Variants in MAST2 observed in about 807,000 individuals in gnomAD.
MAST2 encodes microtubule-associated serine/threonine-protein kinase 2.
MAST2 carries 70 observed loss-of-function variants against 147.4 expected under a neutral mutation model. The observed-to-expected ratio is 0.47, with a 90% CI of 0.39 to 0.58. The LOEUF (loss-of-function observed/expected upper bound fraction) is 0.58. MAST2 is among the 20% of genes least tolerant of loss of function. The probability of loss-of-function intolerance (pLI) is 0.00; values close to 1 mark genes in which losing one functional copy is unlikely to be tolerated. For synonymous variants in MAST2, 869 were observed against 896.8 expected (o/e 0.97, Z 0.55); for missense variants, 2,080 against 2,302.3 (o/e 0.90, Z 1.98).
At chr1:45,834,283 T>C (rs1301992762) in intron 3 of MAST2, among the ~76,000 whole-genome samples, 2 of 152,288 alleles carry the variant, frequency 1.3e-5, no homozygotes, top group South Asian at 2.1e-4. Context: ...ATACTAGTTA[T>C]AATTATTGGA....
intron 3 of MAST2, among the ~76,000 whole-genome samples, chr1:45,859,115 A>G (rs560611135): frequency 1.8e-4 from 28 of 152,118 alleles, no homozygotes; most frequent in Non-Finnish European, 3.7e-4. Context: ...TTCCATATGA[A>G]CTTTAAGGTA....
At chr1:45,975,230 A>G (rs1440018228) in intron 5 of MAST2, among the ~76,000 whole-genome samples, 1 of 152,170 alleles carries the variant, frequency 6.6e-6, no homozygotes, top group Non-Finnish European at 1.5e-5. Flanking sequence ...TGGGAGTACA[A>G]AAGTAAAGAT....
At chr1:45,985,433 C>A (rs980867490) in intron 5 of MAST2, among the ~76,000 whole-genome samples, 27 of 152,194 alleles carry the variant, frequency 1.8e-4, no homozygotes, top group African/African-American at 6.3e-4. Flanking sequence ...CAGCCATCAT[C>A]ACGATCAAAA....
At chr1:45,846,089 T>C (rs1173026787) in intron 3 of MAST2, among the ~76,000 whole-genome samples, 1 of 150,618 alleles carries the variant, frequency 6.6e-6, no homozygotes, top group Non-Finnish European at 1.5e-5. Flanking sequence ...GATAAATTAA[T>C]TGTGGGAGAT....
Position 45,959,465 on chromosome 1 carries a change from C to G in MAST2, c.580C>G (p.His194Asp). Residue 194 changes from histidine to aspartate, a missense_variant, in exon 5 of 29, where the codon CAT becomes GAT. This residue lies in a region of MAST2 where 569 missense variants were observed against 642.5 expected (regional missense o/e 0.89). Transcript: ENST00000361297. Reference protein sequence around the residue: ...PTLPRPHSPLHGHTGNSPLDS... With the variant: ...PTLPRPHSPLDGHTGNSPLDS... ...ACTACCACGGCCACACTCACCACTC[C>G]ATGGCCACACAGGTGAGTGCTTGAA... The G allele has an allele frequency of 6.2e-7, 1 of 1,613,498 alleles. No homozygotes were observed. The highest frequency in any genetic ancestry group is 1.3e-5 in the African/African-American group (1 of 75,018).
chr1:45,857,418 G>C (rs1232810186), intron 3 of MAST2, among the ~76,000 whole-genome samples: 1 of 152,130 alleles, frequency 6.6e-6, no homozygotes, highest in African/African-American at 2.4e-5. Context: ...TTTCTATTTG[G>C]AAGGAATTTT....
chr1:45,897,488 A>T (rs1190042960), intron 4 of MAST2, among the ~76,000 whole-genome samples: 2 of 152,186 alleles, frequency 1.3e-5, no homozygotes, highest in East Asian at 1.9e-4. Context: ...GAAAAAATAA[A>T]TTTTTTAAAG....
At chr1:46,032,573 G>A in intron 25 of MAST2, 23 bp from the exon 26 acceptor site, 1 of 1,612,874 alleles carries the variant, frequency 6.2e-7, no homozygotes, top group South Asian at 1.1e-5. Context: ...TCCAGTCTGA[G>A]TACTGTTCTC....
intron 4 of MAST2, among the ~76,000 whole-genome samples, chr1:45,950,383 A>C (rs1316363306): frequency 6.6e-6 from 1 of 152,146 alleles, no homozygotes; most frequent in African/African-American, 2.4e-5. Flanking sequence ...CCCTCAAAAG[A>C]CTTCACCCTC....
intron 5 of MAST2, among the ~76,000 whole-genome samples, chr1:45,980,470 G>A (rs889461480): frequency 2.6e-5 from 4 of 151,138 alleles, no homozygotes; most frequent in Non-Finnish European, 4.4e-5. Context: ...AATAAAAGTT[G>A]AAATTATTTT....
intron 5 of MAST2, among the ~76,000 whole-genome samples, chr1:45,995,426 C>A (rs1374212164): frequency 6.9e-6 from 1 of 145,518 alleles, no homozygotes; most frequent in African/African-American, 2.5e-5. Context: ...ACTGCAACGT[C>A]CCATCTAAAC....
chr1:46,030,249 G>C lies in MAST2; in HGVS notation c.2553+11G>C, dbSNP rs747318229. ...CCAAGGTTCAACAAGGTGTGACTGA[G>C]GAGGCCCAGAATGGGCAGAACAGGC... On this transcript the variant is annotated intron_variant, in intron 21 of 28. Coordinates refer to ENST00000361297, the MANE Select transcript of MAST2 (RefSeq NM_015112.3). 6.2e-7 allele frequency: 1 copy of C among 1,612,936 alleles called. No homozygotes were observed. Among genetic ancestry groups the C allele is most frequent in the South Asian group, 1.1e-5 (1 of 90,902 alleles).
chr1:46,036,090 T>C lies in MAST2; in HGVS notation c.*24T>C, dbSNP rs1646895859. 12 of 1,573,360 alleles carry C rather than the reference T, an allele frequency of 7.6e-6. No homozygotes were observed. In the South Asian group the frequency reaches 1.4e-4, roughly 19 times the overall value. On this transcript the variant is annotated 3_prime_UTR_variant, in exon 29 of 29. Transcript: ENST00000361297. ...AGCAGTTGTTTGCCATTTCTTGCAC[T>C]CAGACCTGTGTAATATATGCTCCTG...
intron 4 of MAST2, among the ~76,000 whole-genome samples, chr1:45,894,322 TTAAGA>T (rs1431833201): frequency 6.6e-6 from 1 of 152,190 alleles, no homozygotes; most frequent in Non-Finnish European, 1.5e-5. Context: ...GTGGAAACAC[TTAAGA>T]TAGGATTGTT....
intron 5 of MAST2, among the ~76,000 whole-genome samples, chr1:45,963,543 C>G (rs1444931302): frequency 1.3e-5 from 2 of 152,164 alleles, no homozygotes; most frequent in African/African-American, 2.4e-5. Flanking sequence ...TGGGAGTTCA[C>G]TCATGATTTG....
intron 4 of MAST2, among the ~76,000 whole-genome samples, chr1:45,929,484 G>A (rs894421209): frequency 1.3e-5 from 2 of 152,154 alleles, no homozygotes; most frequent in African/African-American, 2.4e-5. Flanking sequence ...TCTGGCCCAC[G>A]TAGAAAGAGG....
intron 3 of MAST2, among the ~76,000 whole-genome samples, chr1:45,830,356 G>A (rs1644918920): frequency 6.6e-6 from 1 of 151,530 alleles, no homozygotes; most frequent in Non-Finnish European, 1.5e-5. Context: ...TGTGTTTTTA[G>A]TAGAGATGGG....
intron 4 of MAST2, among the ~76,000 whole-genome samples, chr1:45,919,791 G>GTT (rs35824370): frequency 2.2e-4 from 31 of 140,644 alleles, no homozygotes; most frequent in Admixed American, 1.1e-3. Flanking sequence ...TAAATTTCAT[G>GTT]TTTTTTTTTT....
At chr1:45,832,344 A>G (rs1433452448) in intron 3 of MAST2, among the ~76,000 whole-genome samples, 1 of 148,118 alleles carries the variant, frequency 6.8e-6, no homozygotes, top group Non-Finnish European at 1.5e-5. Context: ...TCTGTTGTCC[A>G]GTCTGGAGTG....
Sources: allele counts gnomAD v4.1 joint callset (sites outside exome capture counted in the v4.1 genomes callset), GRCh38; gene constraint gnomAD v4.1.1; regional missense constraint gnomAD v4.1.1; transcripts MANE v1.5; gene names NCBI Gene and HGNC (gene_info 2026-07-23, HGNC 2026-07-21).